Variants in SHISA6 observed in about 807,000 individuals in gnomAD.
SHISA6 encodes the protein protein shisa-6.
A neutral mutation model predicts 47.9 loss-of-function variants in SHISA6; 22 were observed. That is an observed-to-expected ratio of 0.46 (90% CI 0.33 to 0.66). The LOEUF is 0.66. Among genes scored for constraint, SHISA6 ranks in the 30% least tolerant of loss-of-function variants. SHISA6 has a pLI of 0.02. For missense variants in SHISA6, 680 were observed against 764.6 expected, an observed-to-expected ratio of 0.89 and a Z score of 1.30; for synonymous variants, 388 against 337.8, an observed-to-expected ratio of 1.15 and a Z score of -1.63.
At chr17:11,502,419 AAAAAAAAAAAAAAGACTAAAAAC>A (rs2071462265) in intron 3 of SHISA6, among the ~76,000 whole-genome samples, 1 of 143,158 alleles carries the variant, frequency 7.0e-6, no homozygotes, top group Non-Finnish European at 1.5e-5. Context: ...AAAAAAAAAA[AAAAAAAAAAAAAAGACTAAAAAC>A]ATCGGCCAGG....
intron 2 of SHISA6, among the ~76,000 whole-genome samples, chr17:11,353,321 G>A (rs1187785669): frequency 1.3e-5 from 2 of 151,984 alleles, no homozygotes; most frequent in African/African-American, 4.8e-5. Flanking sequence ...GCTGGGTGTG[G>A]TGGTGCGCAC....
intron 3 of SHISA6, among the ~76,000 whole-genome samples, chr17:11,549,858 A>G (rs1213235828): frequency 6.6e-6 from 1 of 152,232 alleles, no homozygotes; most frequent in Non-Finnish European, 1.5e-5. Context: ...CTGGAGGACA[A>G]GCAAGAAAAA....
intron 4 of SHISA6, among the ~76,000 whole-genome samples, chr17:11,554,263 T>G (rs1321796726): frequency 6.6e-6 from 1 of 152,112 alleles, no homozygotes; most frequent in African/African-American, 2.4e-5. Flanking sequence ...CCAAGGAGGC[T>G]CTTTCTGTAC....
chr17:11,459,990 C>A (rs1379284765), intron 3 of SHISA6, among the ~76,000 whole-genome samples: 1 of 152,158 alleles, frequency 6.6e-6, no homozygotes, highest in East Asian at 1.9e-4. Flanking sequence ...CTGCAGAGGT[C>A]TCAGACAAAT....
At position 11,279,850 on chromosome 17, in the gene SHISA6, T is replaced by G. The variant is rs549246608; in HGVS notation, c.799+16324T>G. Reference sequence around the variant, plus strand: ...GAGAGAGGAGGCTAAGGAAATGACCTGCATTTTCAGTTTTCATTAGCAGGC... The same window carrying G: ...GAGAGAGGAGGCTAAGGAAATGACCGGCATTTTCAGTTTTCATTAGCAGGC... On this transcript the variant is annotated intron_variant, in intron 2 of 5. Transcript: ENST00000441885. Among the ~76,000 whole-genome samples, 5 of 152,108 alleles carry G rather than the reference T, an allele frequency of 3.3e-5. No homozygotes were observed. In the South Asian group the frequency reaches 1.0e-3, roughly 32 times the overall value.
chr17:11,425,077 A>G (rs1442820610), intron 3 of SHISA6, among the ~76,000 whole-genome samples: 2 of 151,824 alleles, frequency 1.3e-5, no homozygotes, highest in South Asian at 2.1e-4. Context: ...ATGTAGGCAC[A>G]TGGTATCTGT....
At chr17:11,274,122 G>A (rs1438318069) in intron 2 of SHISA6, among the ~76,000 whole-genome samples, 1 of 152,148 alleles carries the variant, frequency 6.6e-6, no homozygotes, top group African/African-American at 2.4e-5. Context: ...CTGCCTGGTG[G>A]CTGCACAGGC....
At chr17:11,355,765 T>C (rs1268603535) in intron 2 of SHISA6, among the ~76,000 whole-genome samples, 1 of 152,178 alleles carries the variant, frequency 6.6e-6, no homozygotes, top group Non-Finnish European at 1.5e-5. Context: ...GGTCCCCATC[T>C]GGGATAGAAA....
At chr17:11,343,582 C>T (rs1440658737) in intron 2 of SHISA6, among the ~76,000 whole-genome samples, 4 of 152,144 alleles carry the variant, frequency 2.6e-5, no homozygotes, top group Admixed American at 6.5e-5. Flanking sequence ...AACTGGGGGG[C>T]GTTGATCCCC....
intron 3 of SHISA6, among the ~76,000 whole-genome samples, chr17:11,431,408 A>G (rs1221491643): frequency 6.6e-6 from 1 of 152,098 alleles, no homozygotes; most frequent in Non-Finnish European, 1.5e-5. Flanking sequence ...GCTGCCTTAG[A>G]CTTTGCTCAA....
chr17:11,276,589 C>T (rs1027614820), intron 2 of SHISA6, among the ~76,000 whole-genome samples: 29 of 152,058 alleles, frequency 1.9e-4, no homozygotes, highest in African/African-American at 6.8e-4. Context: ...ACATCATCAT[C>T]ATCGTTGTCA....
At chr17:11,503,630 G>A (rs1490705746) in intron 3 of SHISA6, among the ~76,000 whole-genome samples, 1 of 152,140 alleles carries the variant, frequency 6.6e-6, no homozygotes, top group African/African-American at 2.4e-5. Flanking sequence ...AGACCGTTCT[G>A]AAAAGCTCTT....
intron 3 of SHISA6, among the ~76,000 whole-genome samples, chr17:11,404,316 G>A (rs991665323): frequency 3.3e-5 from 5 of 152,186 alleles, no homozygotes; most frequent in Admixed American, 1.3e-4. Context: ...AAATGGCATC[G>A]GGAGACGTGA....
intron 5 of SHISA6, 147 bp downstream of exon 5, chr17:11,556,039 C>G (rs1015987409): frequency 3.6e-5 from 39 of 1,096,656 alleles, no homozygotes; most frequent in Non-Finnish European, 1.2e-5. Flanking sequence ...AGAGAATAGA[C>G]AAGCTCTTTG....
At position 11,555,687 on chromosome 17, in the gene SHISA6, C is replaced by T. The variant is rs141019291; in HGVS notation, c.953-53C>T. 543 of 1,461,362 alleles carry T rather than the reference C, an allele frequency of 3.7e-4. 5 individuals are homozygous for T. The East Asian group carries it at 0.014, about 37-fold the overall frequency. The allele number at this position is 1,461,362 out of a possible 1,614,324, so 90.5% of individuals were successfully genotyped here. Reference sequence around the variant, plus strand: ...ATCAGGGGTGAGGCAGAAAGCACACCTGCCACAGACATGGTCCTCATTAAT... The same window carrying T: ...ATCAGGGGTGAGGCAGAAAGCACACTTGCCACAGACATGGTCCTCATTAAT... On this transcript the variant is annotated intron_variant, in intron 4 of 5. Transcript: ENST00000441885.
intron 3 of SHISA6, among the ~76,000 whole-genome samples, chr17:11,526,247 A>G (rs1046565370): frequency 1.3e-5 from 2 of 152,132 alleles, no homozygotes; most frequent in Admixed American, 1.3e-4. Context: ...TAAATACTGC[A>G]TGGGAGGGAG....
chr17:11,329,216 A>G (rs1005038606), intron 2 of SHISA6, among the ~76,000 whole-genome samples: 1 of 152,194 alleles, frequency 6.6e-6, no homozygotes, highest in Non-Finnish European at 1.5e-5. Flanking sequence ...GTTTCCCATC[A>G]AGTGACCTAT....
intron 3 of SHISA6, among the ~76,000 whole-genome samples, chr17:11,528,209 T>G (rs1163486502): frequency 1.3e-5 from 2 of 152,150 alleles, no homozygotes; most frequent in Non-Finnish European, 1.5e-5. Flanking sequence ...CAAATAAATT[T>G]TATTATTAAA....
At chr17:11,423,241 A>G (rs201862398) in intron 3 of SHISA6, among the ~76,000 whole-genome samples, 1,596 of 122,470 alleles carry the variant, frequency 0.013, 20 homozygotes, top group African/African-American at 0.035. Flanking sequence ...GTGTGTGTGT[A>G]TATATATATA....
Sources: allele counts gnomAD v4.1 joint callset (sites outside exome capture counted in the v4.1 genomes callset), GRCh38; gene constraint gnomAD v4.1.1; transcripts MANE v1.5; gene names NCBI Gene and HGNC (gene_info 2026-07-23, HGNC 2026-07-21).